The following SPTBN2 variants were observed in gnomAD, a reference collection of about 807,000 sequenced individuals.
SPTBN2 encodes the protein spectrin beta, non-erythrocytic 2.
In SPTBN2, 107 loss-of-function variants were observed where a neutral mutation model predicts 284.2. That is an observed-to-expected ratio of 0.38 (90% CI 0.32 to 0.44). The LOEUF is 0.44. Ranked by LOEUF, SPTBN2 falls within the 20% of genes least tolerant of loss-of-function variation. SPTBN2 has a pLI of 1.00. For synonymous variants in SPTBN2, 1,289 were observed against 1,354.8 expected (o/e 0.95, Z 1.07); for missense variants, 2,569 against 3,287.1 (o/e 0.78, Z 5.34).
Position 66,692,526 on chromosome 11 carries a change from C to G in SPTBN2, c.5190+10G>C. 6.2e-7 allele frequency: 1 copy of G among 1,600,976 alleles called. No individual in the cohort carries two copies. Among genetic ancestry groups the G allele is most frequent in the Non-Finnish European group, 8.5e-7 (1 of 1,179,938 alleles). On this transcript the variant is annotated intron_variant, in intron 26 of 37. Coordinates refer to ENST00000533211, the MANE Select transcript of SPTBN2 (RefSeq NM_006946.4). ...GGTTGATCTGAGCTGGGTGCCCTCC[C>G]TACACTCACAGTCACATGCTCGTAG... is the stretch of plus-strand genomic sequence containing the variant.
chr11:66,730,322 C>T (rs1942786756), upstream of SPTBN2, among the ~76,000 whole-genome samples: 1 of 151,534 alleles, frequency 6.6e-6, no homozygotes, highest in Non-Finnish European at 1.5e-5. Flanking sequence ...AGTGGCTCAC[C>T]CTTGTAATCC....
rs1376434593 is a variant in SPTBN2 at position 66,690,026 on chromosome 11, C to T, written c.5810+13G>A. Reference sequence around the variant, plus strand: ...ACACAACCCGTGGAGGCCCTGAGCCCTGGGATTCTCACCGGGGACGCTCCT... The same window carrying T: ...ACACAACCCGTGGAGGCCCTGAGCCTTGGGATTCTCACCGGGGACGCTCCT... On this transcript the variant is annotated intron_variant, in intron 28 of 37. Coordinates refer to ENST00000533211, the MANE Select transcript of SPTBN2 (RefSeq NM_006946.4). 2 of 1,614,138 alleles carry T rather than the reference C, an allele frequency of 1.2e-6. No individual in the cohort carries two copies.
In SPTBN2 at chr11:66,693,574, T is replaced by G; in HGVS notation, c.4594-128A>C. 6.8e-7 allele frequency: 1 copy of G among 1,472,060 alleles called. No homozygotes were observed. The highest frequency in any genetic ancestry group is 9.2e-7 in the Non-Finnish European group (1 of 1,091,722). 91.2% of individuals were successfully genotyped at this position (1,472,060 alleles called of 1,614,324 possible). On this transcript the variant is annotated intron_variant, in intron 23 of 37. Transcript: ENST00000533211. This position sits in a 1 kb window ranked among gnomAD's most constrained non-coding sequence, Gnocchi z 5.7. ...TCTGCTCCCTCTCCTAGCCTGGGGG[T>G]GCGATGGTAACACCCGTCAGCCGCC...
chr11:66,741,069 TCAGA>T (rs1476554034), intron 1 of SPTBN2, among the ~76,000 whole-genome samples: 4 of 152,172 alleles, frequency 2.6e-5, no homozygotes, highest in Non-Finnish European at 4.4e-5. Context: ...GGAGTGTGTC[TCAGA>T]CAGAGGGTTT....
chr11:66,708,403 T>C lies in SPTBN2; in HGVS notation c.1192-104A>G. The C allele has an allele frequency of 8.5e-7, 1 of 1,172,394 alleles. No individual in the cohort carries two copies. 72.6% of individuals were successfully genotyped at this position (1,172,394 alleles called of 1,614,324 possible). ...ATGGAAGCTCGGTCTGGTGGATCCG[T>C]GGAATGCAGTGGGTGAGACGCCTGG... On this transcript the variant is annotated intron_variant, in intron 11 of 37. Transcript: ENST00000533211. The surrounding 1 kb of genome is among the most constrained non-coding windows in gnomAD (Gnocchi z 4.4).
intron 1 of SPTBN2, among the ~76,000 whole-genome samples, chr11:66,739,220 C>T (rs775098396): frequency 3.3e-5 from 5 of 152,190 alleles, no homozygotes; most frequent in Non-Finnish European, 4.4e-5. Flanking sequence ...GGATTACAGG[C>T]GTGAGCCACT....
intron 1 of SPTBN2, among the ~76,000 whole-genome samples, chr11:66,744,111 T>C (rs1473123103): frequency 6.6e-6 from 1 of 152,154 alleles, no homozygotes; most frequent in East Asian, 1.9e-4. Flanking sequence ...TCCACTCGCT[T>C]CGGCCTCCAA....
Position 66,708,247 on chromosome 11 carries a change from G to T in SPTBN2, c.1244C>A (p.Thr415Asn). Residue 415 changes from threonine to asparagine, a missense_variant, in exon 12 of 38, where the codon ACC (threonine) becomes AAC (asparagine). Physicochemically the swap from Thr to Asn is moderately conservative, Grantham distance 65 (BLOSUM62 0). Coordinates refer to ENST00000533211, the MANE Select transcript of SPTBN2 (RefSeq NM_006946.4). This position sits in a 1 kb window ranked among gnomAD's most constrained non-coding sequence, Gnocchi z 4.4. ...CAGCTTCTCCTGGCGGATGAGCTCGGTGCGCAGGGCCAGCTCACGCTCGTG... is the reference window on the plus strand; with the variant it reads ...CAGCTTCTCCTGGCGGATGAGCTCGTTGCGCAGGGCCAGCTCACGCTCGTG... Reference protein sequence around the residue: ...AEHERELALRTELIRQEKLEQ... With the variant: ...AEHERELALRNELIRQEKLEQ... 6.2e-7 allele frequency: 1 copy of T among 1,610,146 alleles called. No individual in the cohort carries two copies.
At chr11:66,743,343 A>G (rs1267890555) in intron 1 of SPTBN2, among the ~76,000 whole-genome samples, 1 of 152,158 alleles carries the variant, frequency 6.6e-6, no homozygotes, top group Non-Finnish European at 1.5e-5. Context: ...TCGATAGACA[A>G]TGTTCTTTGG....
At chr11:66,719,701 T>G (rs974544830) in intron 3 of SPTBN2, among the ~76,000 whole-genome samples, 2 of 152,250 alleles carry the variant, frequency 1.3e-5, no homozygotes, top group Non-Finnish European at 2.9e-5. Context: ...TACACAGGCA[T>G]GGTGACAGTC....
At chr11:66,698,828 A>G in intron 19 of SPTBN2, 43 bp from the exon 20 acceptor site, 1 of 1,610,926 alleles carries the variant, frequency 6.2e-7, no homozygotes, top group Admixed American at 1.7e-5. Flanking sequence ...GGGAGGGGAG[A>G]GGGGGGCATA....
intron 21 of SPTBN2, among the ~76,000 whole-genome samples, chr11:66,695,400 C>T (rs1012787670): frequency 6.6e-6 from 1 of 152,144 alleles, no homozygotes; most frequent in African/African-American, 2.4e-5. Context: ...GGACTACAGG[C>T]ACACACCACC....
chr11:66,699,467 C>A lies in SPTBN2; in HGVS notation c.3715G>T (p.Val1239Leu). The change falls in exon 18 of 38, where the codon GTA becomes TTA. Residue 1239 changes from valine (V) to leucine (L), a missense_variant. Val to Leu is a conservative substitution (Grantham distance 32, BLOSUM62 1). Transcript: ENST00000533211. ...TCGGCGTGGATGTTGCCTTCAGATA[C>A]CAGCTGGCGGCCAGCCTCCAGGAGC... is the stretch of plus-strand genomic sequence containing the variant. ...HGLLEAGRQL[V>L]SEGNIHADKI... The A allele has an allele frequency of 6.2e-7, 1 of 1,614,134 alleles. No homozygotes were observed. Among genetic ancestry groups the A allele is most frequent in the South Asian group, 1.1e-5 (1 of 91,080 alleles).
Position 66,693,582 on chromosome 11 carries a change from T to C in SPTBN2, c.4594-136A>G. The C allele has an allele frequency of 6.9e-7, 1 of 1,445,364 alleles. No individual in the cohort carries two copies. The highest frequency in any genetic ancestry group is 9.4e-7 in the Non-Finnish European group (1 of 1,067,852). 89.5% of individuals were successfully genotyped at this position (1,445,364 alleles called of 1,614,324 possible). A position where few individuals can be genotyped will look rare whatever the true frequency, so the allele number is the denominator to read the frequency against. On this transcript the variant is annotated intron_variant, in intron 23 of 37. Transcript: ENST00000533211. The surrounding 1 kb of genome is among the most constrained non-coding windows in gnomAD (Gnocchi z 5.7). ...CTCTCCTAGCCTGGGGGTGCGATGG[T>C]AACACCCGTCAGCCGCCCAGCCCCC...
Position 66,721,262 on chromosome 11 carries a change from C to G in SPTBN2, c.-22G>C. The G allele has an allele frequency of 6.2e-7, 1 of 1,614,090 alleles. No homozygotes were observed. Among genetic ancestry groups the G allele is most frequent in the African/African-American group, 1.3e-5 (1 of 75,036 alleles). On this transcript the variant is annotated splice_region_variant and 5_prime_UTR_variant, in exon 3 of 38. Transcript: ENST00000533211. ...TCATGGTGGTAGGCGGCTTCCTGCT[C>G]CTGCAAGGAGAATGTGGCCAGTGAG...
At position 66,698,785 on chromosome 11, in the gene SPTBN2, G is replaced by A; in HGVS notation, c.3868C>T (p.Leu1290=). Residue 1290 remains leucine, a splice_region_variant and synonymous_variant, in exon 20 of 38, where the codon CTG becomes TTG. Transcript: ENST00000533211. ...ATCTTCTCGTCGATCCAGAGCTTCA[G>A]CTGGACCAAACATAAAACAGGGACA... ...QQHFLQDCHE[L]KLWIDEKMLT... is the part of the protein sequence containing the mutation. 1 of 1,613,450 alleles carries A rather than the reference G, an allele frequency of 6.2e-7. No homozygotes were observed. The highest frequency in any genetic ancestry group is 1.7e-5 in the Admixed American group (1 of 60,032).
chr11:66,707,482 C>A lies in SPTBN2; in HGVS notation c.1653+34G>T. 2.5e-6 allele frequency: 4 copies of A among 1,569,256 alleles called. No homozygotes were observed. Among genetic ancestry groups the A allele is most frequent in the South Asian group, 1.2e-5 (1 of 86,126 alleles). On this transcript the variant is annotated intron_variant, in intron 13 of 37. Coordinates refer to ENST00000533211, the MANE Select transcript of SPTBN2 (RefSeq NM_006946.4). This position sits in a 1 kb window ranked among gnomAD's most constrained non-coding sequence, Gnocchi z 4.9. ...CTGTGGGGCCCCCTCGACTCTTGATCACTCTTACCCCACCCAGCACGCCTC... is the reference window on the plus strand; with the variant it reads ...CTGTGGGGCCCCCTCGACTCTTGATAACTCTTACCCCACCCAGCACGCCTC...
chr11:66,730,545 A>AGAT, upstream of SPTBN2, among the ~76,000 whole-genome samples: 1 of 151,308 alleles, frequency 6.6e-6, no homozygotes, highest in South Asian at 2.1e-4. Flanking sequence ...GTGCCACTGC[A>AGAT]CTTCAGCCTG....
At chr11:66,721,016 G>C in intron 3 of SPTBN2, 68 bp downstream of exon 3, 1 of 1,603,022 alleles carries the variant, frequency 6.2e-7, no homozygotes, top group Non-Finnish European at 8.5e-7. Context: ...AAAGTTAAAG[G>C]GCTCTTCATG....
Sources: allele counts gnomAD v4.1 joint callset (sites outside exome capture counted in the v4.1 genomes callset), GRCh38; gene constraint gnomAD v4.1.1; non-coding constraint Gnocchi (gnomAD v3.1); transcripts MANE v1.5; gene names NCBI Gene and HGNC (gene_info 2026-07-23, HGNC 2026-07-21).